The following GSG1L variants were observed in gnomAD, a reference collection of about 807,000 sequenced individuals.
GSG1L encodes the protein germ cell-specific gene 1-like protein.
A neutral mutation model predicts 42.1 loss-of-function variants in GSG1L; 24 were observed. The ratio of observed to expected loss-of-function variants is 0.57; its 90% confidence interval spans 0.41 to 0.80. The LOEUF (loss-of-function observed/expected upper bound fraction) is 0.80, where lower values mean the gene tolerates loss of function less well. Ranked by LOEUF, GSG1L falls within the 30% of genes least tolerant of loss-of-function variation. GSG1L has a pLI of 0.00. For missense variants in GSG1L, 445 were observed against 472.2 expected (o/e 0.94, Z 0.53); for synonymous variants, 215 against 203.5 (o/e 1.06, Z -0.48).
chr16:27,949,125 A>C (rs2084922603), intron 2 of GSG1L, among the ~76,000 whole-genome samples: 1 of 151,292 alleles, frequency 6.6e-6, no homozygotes, highest in South Asian at 2.1e-4. Context: ...TTATGCTGCC[A>C]AGGCTGGTCT....
intron 3 of GSG1L, among the ~76,000 whole-genome samples, chr16:27,849,741 T>A (rs558191699): frequency 6.6e-6 from 1 of 152,156 alleles, no homozygotes; most frequent in Admixed American, 6.5e-5. Context: ...CCCTGTGTTG[T>A]CCAGGCTGGT....
At chr16:27,803,329 C>A (rs530626767) in intron 6 of GSG1L, among the ~76,000 whole-genome samples, 1 of 152,060 alleles carries the variant, frequency 6.6e-6, no homozygotes, top group African/African-American at 2.4e-5. Context: ...ACCCTCTCTG[C>A]GGCAGCCCTT....
At position 28,063,517 on chromosome 16, in the gene GSG1L, C is replaced by T; in HGVS notation, c.-93G>A. On this transcript the variant is annotated 5_prime_UTR_variant, in exon 1 of 7. Coordinates refer to ENST00000447459, the MANE Select transcript of GSG1L (RefSeq NM_001109763.2). The surrounding 1 kb of genome is among the most constrained non-coding windows in gnomAD (Gnocchi z 5.8). ...CCCCGCGTCAGCGGCCGCTGCCCGC[C>T]GCGCCCCGGGGCTCGGGTGCCTGAG... 1 of 801,518 alleles carries T rather than the reference C, an allele frequency of 1.2e-6. No homozygotes were observed. Among genetic ancestry groups the T allele is most frequent in the Non-Finnish European group, 1.6e-6 (1 of 637,156 alleles). The allele number at this position is 801,518 out of a possible 1,614,324, so 49.7% of individuals were successfully genotyped here. A position where few individuals can be genotyped will look rare whatever the true frequency, so the allele number is the denominator to read the frequency against.
At chr16:27,923,641 C>T (rs1037841336) in intron 2 of GSG1L, among the ~76,000 whole-genome samples, 10 of 150,708 alleles carry the variant, frequency 6.6e-5, no homozygotes, top group African/African-American at 2.4e-4. Context: ...ACTTGGGAGG[C>T]TGAGGCAGGA....
intron 6 of GSG1L, among the ~76,000 whole-genome samples, chr16:27,796,177 A>C (rs1158814637): frequency 1.3e-5 from 2 of 152,146 alleles, no homozygotes; most frequent in African/African-American, 2.4e-5. Context: ...CCTTCCGGCC[A>C]ATCACCCAGC....
intron 2 of GSG1L, among the ~76,000 whole-genome samples, chr16:27,911,349 G>A (rs2084389323): frequency 6.6e-6 from 1 of 151,146 alleles, no homozygotes; most frequent in Non-Finnish European, 1.5e-5. Flanking sequence ...GGAGTGCAGT[G>A]GCACATTCTC....
chr16:27,904,437 A>G (rs1035432503), intron 2 of GSG1L, among the ~76,000 whole-genome samples: 1 of 151,950 alleles, frequency 6.6e-6, no homozygotes, highest in African/African-American at 2.4e-5. Flanking sequence ...AAAATTGCCG[A>G]TGCCCCTCCC....
chr16:27,962,428 A>C (rs2085081595), intron 2 of GSG1L, among the ~76,000 whole-genome samples: 1 of 152,248 alleles, frequency 6.6e-6, no homozygotes, highest in Admixed American at 6.5e-5. Flanking sequence ...ATGAAGAAAA[A>C]CACAGTGGGA....
chr16:27,829,151 A>G (rs1017199861), intron 4 of GSG1L, among the ~76,000 whole-genome samples, 195 bp from the exon 5 acceptor site: 3 of 152,296 alleles, frequency 2.0e-5, no homozygotes, highest in African/African-American at 7.2e-5. Context: ...TTATCTGCAC[A>G]TTGTGATGCA....
intron 2 of GSG1L, among the ~76,000 whole-genome samples, chr16:27,924,002 T>C (rs564773181): frequency 6.6e-6 from 1 of 152,176 alleles, no homozygotes; most frequent in East Asian, 1.9e-4. Flanking sequence ...CAAAGTAAAA[T>C]AGGAGTAACA....
rs2082767899 is a variant in GSG1L at position 27,792,600 on chromosome 16, C to T, written c.899-1133G>A. Among the ~76,000 whole-genome samples the T allele has an allele frequency of 2.0e-5, 3 of 152,158 alleles. No individual in the cohort carries two copies. In the South Asian group the frequency reaches 6.2e-4, roughly 32 times the overall value. On this transcript the variant is annotated intron_variant, in intron 6 of 6. Coordinates refer to ENST00000447459, the MANE Select transcript of GSG1L (RefSeq NM_001109763.2). ...GCTGGAGTTTCAGCTCTCCAGGAAG[C>T]CCCCTCTGACATCCTCCCCCTGGCA...
Position 27,888,949 on chromosome 16 carries a change from G to GAT in GSG1L, c.398-4313_398-4312dup, listed in dbSNP as rs1555506444. 3.0e-3 allele frequency among the ~76,000 whole-genome samples: 454 copies of GAT among 151,248 alleles called. 4 individuals carry two copies. Among genetic ancestry groups the GAT allele is most frequent in the African/African-American group, 0.01 (429 of 41,214 alleles). On this transcript the variant is annotated intron_variant, in intron 2 of 6. Transcript: ENST00000447459. ...TTAGATAGATATAGATATAGATATAGATATAGATATAGATATAGATATAGA... is the reference window on the plus strand; with the variant it reads ...TTAGATAGATATAGATATAGATATAGATATATAGATATAGATATAGATATAGA...
At chr16:27,881,291 G>C (rs2083952455) in intron 3 of GSG1L, among the ~76,000 whole-genome samples, 1 of 135,972 alleles carries the variant, frequency 7.4e-6, no homozygotes, top group Admixed American at 9.1e-5. Flanking sequence ...ACCCAAGCTG[G>C]AGTGCAGCTG....
intron 1 of GSG1L, among the ~76,000 whole-genome samples, chr16:28,055,166 T>G (rs1043925993): frequency 1.3e-5 from 2 of 152,124 alleles, no homozygotes; most frequent in Non-Finnish European, 2.9e-5. Context: ...TTATTTTTAT[T>G]TATTTTTGAG....
At chr16:27,917,379 G>A (rs945852960) in intron 2 of GSG1L, among the ~76,000 whole-genome samples, 8 of 151,812 alleles carry the variant, frequency 5.3e-5, no homozygotes, top group African/African-American at 1.2e-4. Flanking sequence ...AGGGGCGGGG[G>A]GAGAAGCTGG....
Position 27,844,936 on chromosome 16 carries a change from G to A in GSG1L, c.662+14C>T. 6.4e-7 allele frequency: 1 copy of A among 1,554,854 alleles called. No individual in the cohort carries two copies. Among genetic ancestry groups the A allele is most frequent in the Non-Finnish European group, 8.8e-7 (1 of 1,132,164 alleles). On this transcript the variant is annotated intron_variant, in intron 4 of 6. Coordinates refer to ENST00000447459, the MANE Select transcript of GSG1L (RefSeq NM_001109763.2). ...TGGTGCCTGAAGCTGCTCTTGTCCT[G>A]AAGGTCCACTTACCAGAAGGACCAC...
chr16:28,003,317 G>A (rs981783291), intron 1 of GSG1L, among the ~76,000 whole-genome samples: 2 of 152,222 alleles, frequency 1.3e-5, no homozygotes, highest in Non-Finnish European at 2.9e-5. Context: ...CGGGCATCTC[G>A]CTGAACCCAG....
chr16:27,844,886 T>A, intron 4 of GSG1L, 64 bp downstream of exon 4: 3 of 446,152 alleles, frequency 6.7e-6, no homozygotes, highest in Non-Finnish European at 1.2e-5. Flanking sequence ...GCTGAGCTGC[T>A]GAAGTCCCAG....
rs115032426 is a variant in GSG1L, at chr16:28,008,580, G to C, written c.350-45377C>G. Among the ~76,000 whole-genome samples, 618 of 152,222 alleles carry C rather than the reference G, an allele frequency of 4.1e-3. 6 individuals carry two copies. Among genetic ancestry groups the C allele is most frequent in the African/African-American group, 0.014 (586 of 41,544 alleles). On this transcript the variant is annotated intron_variant, in intron 1 of 6. Transcript: ENST00000447459. ...CCTCCCCTCTCACTCCCTTCCATCT[G>C]TTCCAACCCAGGCACCAGGGAGGTC...
Sources: allele counts gnomAD v4.1 joint callset (sites outside exome capture counted in the v4.1 genomes callset), GRCh38; gene constraint gnomAD v4.1.1; non-coding constraint Gnocchi (gnomAD v3.1); transcripts MANE v1.5; gene names NCBI Gene and HGNC (gene_info 2026-07-23, HGNC 2026-07-21).